The following DPP10 variants were observed in gnomAD, a reference collection of about 807,000 sequenced individuals.
DPP10 encodes inactive dipeptidyl peptidase 10.
In DPP10, 33 loss-of-function variants were observed where a neutral mutation model predicts 120.9. The observed-to-expected ratio is 0.27, with a 90% CI of 0.21 to 0.37. The LOEUF is 0.37. Among genes scored for constraint, DPP10 ranks in the 10% least tolerant of loss-of-function variants. DPP10 has a pLI of 1.00. For synonymous variants in DPP10, 337 were observed against 326.1 expected (o/e 1.03, Z -0.36); for missense variants, 816 against 942.8 (o/e 0.87, Z 1.76).
At chr2:114,596,981 A>G (rs181283463) in intron 1 of DPP10, among the ~76,000 whole-genome samples, 5 of 152,172 alleles carry the variant, frequency 3.3e-5, no homozygotes, top group Admixed American at 2.0e-4. Context: ...AATTATAAGG[A>G]GGTTAGATTC....
chr2:114,499,747 T>G (rs1682997996), intron 1 of DPP10, among the ~76,000 whole-genome samples: 1 of 152,172 alleles, frequency 6.6e-6, no homozygotes, highest in Non-Finnish European at 1.5e-5. Flanking sequence ...GAAGGACTTC[T>G]GAAAAAGTAG....
chr2:114,892,945 T>C (rs1204308592), intron 1 of DPP10, among the ~76,000 whole-genome samples: 1 of 152,206 alleles, frequency 6.6e-6, no homozygotes, highest in Non-Finnish European at 1.5e-5. Flanking sequence ...CTTCCACTAG[T>C]TGAGGCAGTG....
At chr2:115,473,287 T>G (rs1403915752) in intron 3 of DPP10, among the ~76,000 whole-genome samples, 4 of 152,178 alleles carry the variant, frequency 2.6e-5, no homozygotes, top group Non-Finnish European at 5.9e-5. Flanking sequence ...CTTCTACTGG[T>G]TTCTGTTATT....
intron 3 of DPP10, among the ~76,000 whole-genome samples, chr2:115,485,139 G>A (rs1275097791): frequency 6.6e-6 from 1 of 150,744 alleles, no homozygotes; most frequent in African/African-American, 2.4e-5. Flanking sequence ...TACATCCTGG[G>A]CATAAGAACA....
At chr2:115,444,485 T>G (rs1387258975) in intron 3 of DPP10, among the ~76,000 whole-genome samples, 3 of 152,228 alleles carry the variant, frequency 2.0e-5, no homozygotes, top group African/African-American at 7.2e-5. Context: ...CAATCACAGA[T>G]TCTCTTGGGA....
At chr2:115,687,978 C>A (rs965893930) in intron 5 of DPP10, among the ~76,000 whole-genome samples, 34 of 151,448 alleles carry the variant, frequency 2.2e-4, no homozygotes, top group African/African-American at 8.0e-4. Context: ...CTTTGAAGAC[C>A]AAGAACTCAC....
chr2:115,203,400 G>A (rs1359796932), intron 1 of DPP10, among the ~76,000 whole-genome samples: 1 of 152,132 alleles, frequency 6.6e-6, no homozygotes, highest in African/African-American at 2.4e-5. Flanking sequence ...ATGGGAAGAT[G>A]TTAGATAATG....
chr2:115,817,936 G>C (rs115277610), intron 21 of DPP10, among the ~76,000 whole-genome samples: 2,147 of 151,738 alleles, frequency 0.014, 55 homozygotes, highest in Non-Finnish European at 0.017. Flanking sequence ...TGAGGGGAGA[G>C]GAAAAAGGGA....
intron 1 of DPP10, among the ~76,000 whole-genome samples, chr2:115,258,622 T>G (rs2059114190): frequency 6.6e-6 from 1 of 152,170 alleles, no homozygotes; most frequent in South Asian, 2.1e-4. Context: ...ATTGCGCACT[T>G]CAGGTATAAT....
chr2:115,310,500 GT>G (rs1429137045), intron 2 of DPP10, among the ~76,000 whole-genome samples: 1 of 152,082 alleles, frequency 6.6e-6, no homozygotes, highest in Non-Finnish European at 1.5e-5. Context: ...TTAGATGTTA[GT>G]TAACATGTGG....
At chr2:114,456,315 A>G (rs1391307485) in intron 1 of DPP10, among the ~76,000 whole-genome samples, 1 of 152,220 alleles carries the variant, frequency 6.6e-6, no homozygotes, top group Non-Finnish European at 1.5e-5. Context: ...TGGACTATTG[A>G]GGAGTAAGGA....
intron 1 of DPP10, among the ~76,000 whole-genome samples, chr2:115,023,926 T>A (rs918831110): frequency 3.3e-5 from 5 of 152,040 alleles, no homozygotes; most frequent in African/African-American, 1.2e-4. Flanking sequence ...CCAAGCATCA[T>A]ATGTTCTCAC....
chr2:114,686,530 G>C (rs569418274), intron 1 of DPP10, among the ~76,000 whole-genome samples: 1 of 151,958 alleles, frequency 6.6e-6, no homozygotes, highest in East Asian at 2.0e-4. Flanking sequence ...CTGCTTCTAA[G>C]TTGCTTTTAA....
At chr2:114,616,827 T>C (rs1693711878) in intron 1 of DPP10, among the ~76,000 whole-genome samples, 1 of 151,948 alleles carries the variant, frequency 6.6e-6, no homozygotes, top group Non-Finnish European at 1.5e-5. Context: ...AATGGAGAGA[T>C]CAAGCTTTCA....
chr2:115,649,174 A>T (rs890679601), intron 5 of DPP10, among the ~76,000 whole-genome samples: 1 of 152,144 alleles, frequency 6.6e-6, no homozygotes, highest in African/African-American at 2.4e-5. Context: ...GTAATCCTAA[A>T]GGGATTAGTG....
chr2:115,248,257 G>A (rs2058618137), intron 1 of DPP10, among the ~76,000 whole-genome samples: 1 of 152,114 alleles, frequency 6.6e-6, no homozygotes, highest in Admixed American at 6.6e-5. Flanking sequence ...TAGGACTCAA[G>A]TATGAGTCCC....
At chr2:115,566,464 C>T (rs573960131) in intron 5 of DPP10, among the ~76,000 whole-genome samples, 36 of 151,890 alleles carry the variant, frequency 2.4e-4, no homozygotes, top group African/African-American at 6.5e-4. Flanking sequence ...ACTATAGACT[C>T]GTGGATTCTT....
chr2:115,220,687 A>T (rs1459173316), intron 1 of DPP10, among the ~76,000 whole-genome samples: 1 of 152,214 alleles, frequency 6.6e-6, no homozygotes, highest in Non-Finnish European at 1.5e-5. Flanking sequence ...AAATTATTAG[A>T]CTTGCCTAAA....
At chr2:115,086,675 C>G (rs1291403500) in intron 1 of DPP10, among the ~76,000 whole-genome samples, 1 of 152,134 alleles carries the variant, frequency 6.6e-6, no homozygotes, top group African/African-American at 2.4e-5. Flanking sequence ...CCAGGAAGGT[C>G]TCGATCTCCT....
Sources: gnomAD v4.1 joint callset for allele counts (sites outside exome capture counted in the v4.1 genomes callset) on GRCh38, gnomAD v4.1.1 for gene constraint, MANE v1.5 for transcripts, NCBI Gene and HGNC (gene_info 2026-07-23, HGNC 2026-07-21) for gene names.